SMAP1: variants seen among roughly 807,000 people sequenced by gnomAD.
SMAP1 encodes stromal membrane-associated protein 1.
Under a neutral mutation model 58.5 loss-of-function variants are expected in SMAP1, and 24 were observed. The ratio of observed to expected loss-of-function variants is 0.41; its 90% CI spans 0.30 to 0.58. The LOEUF (loss-of-function observed/expected upper bound fraction) is 0.58, where lower values mean the gene tolerates loss of function less well. Among genes scored for constraint, SMAP1 ranks in the 20% least tolerant of loss-of-function variants. The pLI, the probability that SMAP1 is intolerant of heterozygous loss-of-function variation, is 0.29. For synonymous variants in SMAP1, 216 were observed against 196.6 expected (o/e 1.10, Z -0.82); for missense variants, 563 against 566.3 (o/e 0.99, Z 0.06).
At chr6:70,772,547 C>T (rs1304708635) in intron 3 of SMAP1, among the ~76,000 whole-genome samples, 1 of 152,062 alleles carries the variant, frequency 6.6e-6, no homozygotes, top group Admixed American at 6.5e-5. Context: ...AGGTTAAGAA[C>T]CCCTTTAAGA....
chr6:70,860,396 GT>G lies in SMAP1; in HGVS notation c.*64del. ...GACATTCCTTGCTGAAACGCATCTA[GT>G]TCCCCTGTTTATTCATATGCATATT... On this transcript the variant is annotated 3_prime_UTR_variant, in exon 11 of 11. Transcript: ENST00000370455. The G allele has an allele frequency of 6.5e-7, 1 of 1,548,698 alleles. No individual in the cohort carries two copies. Among genetic ancestry groups the G allele is most frequent in the South Asian group, 1.3e-5 (1 of 79,524 alleles).
rs1225361067 is a variant in SMAP1 at position 70,860,248 on chromosome 6, G to T, written c.1318G>T (p.Ala440Ser). 6.2e-7 allele frequency: 1 copy of T among 1,613,600 alleles called. No homozygotes were observed. The highest frequency in any genetic ancestry group is 1.7e-5 in the Admixed American group (1 of 59,860). The change falls in exon 11 of 11, where the codon GCA becomes TCA. Residue 440 changes from alanine to serine, a missense_variant. Physicochemically the swap from Ala to Ser is moderately conservative, Grantham distance 99. Transcript: ENST00000370455. ...GAGTATCAGTAGTGCAACCCCTACT[G>T]CAGGTTTTGGCCAGCCCTCCAGCAC... ...GMSISSATPTAGFGQPSSTTA... is the reference protein window; with the variant it reads ...GMSISSATPTSGFGQPSSTTA...
At chr6:70,782,548 C>A (rs1474349442) in intron 4 of SMAP1, among the ~76,000 whole-genome samples, 1 of 152,170 alleles carries the variant, frequency 6.6e-6, no homozygotes, top group Non-Finnish European at 1.5e-5. Context: ...ACATTTTTCT[C>A]CCATGCTGGA....
intron 1 of SMAP1, among the ~76,000 whole-genome samples, chr6:70,730,619 T>C (rs1246924889): frequency 6.6e-6 from 1 of 152,240 alleles, no homozygotes; most frequent in Non-Finnish European, 1.5e-5. Flanking sequence ...AGCAGGATAT[T>C]TGAGGATAAG....
intron 4 of SMAP1, among the ~76,000 whole-genome samples, chr6:70,782,433 T>C (rs1038008551): frequency 4.6e-5 from 7 of 152,194 alleles, no homozygotes; most frequent in African/African-American, 1.7e-4. Flanking sequence ...AGAAATAATA[T>C]CTGCCACAGA....
At position 70,667,959 on chromosome 6, in the gene SMAP1, T is replaced by G; in HGVS notation, c.-65T>G. On this transcript the variant is annotated 5_prime_UTR_variant, in exon 1 of 11. Coordinates refer to ENST00000370455, the MANE Select transcript of SMAP1 (RefSeq NM_001044305.3). ...CCGGCGGCGCCAGGTGCGTTCACTC[T>G]GCCCGGCTCCAGCCAGCGTCCGCCG... The G allele has an allele frequency of 7.0e-7, 1 of 1,428,784 alleles. No homozygotes were observed. Among genetic ancestry groups the G allele is most frequent in the East Asian group, 2.8e-5 (1 of 35,648 alleles). 88.5% of individuals were successfully genotyped at this position (1,428,784 alleles called of 1,614,324 possible).
intron 6 of SMAP1, among the ~76,000 whole-genome samples, chr6:70,822,205 T>G (rs1168009311): frequency 1.3e-5 from 2 of 152,146 alleles, no homozygotes; most frequent in Non-Finnish European, 2.9e-5. Flanking sequence ...GGTGAAAGGG[T>G]CAACAATTAG....
intron 6 of SMAP1, among the ~76,000 whole-genome samples, chr6:70,834,010 T>G (rs1022692208): frequency 6.6e-6 from 1 of 152,240 alleles, no homozygotes; most frequent in Non-Finnish European, 1.5e-5. Context: ...TGAGAAGCTT[T>G]TAGAACACAG....
intron 8 of SMAP1, 103 bp downstream of exon 8, chr6:70,852,767 T>G (rs1305641203): frequency 1.5e-6 from 2 of 1,298,512 alleles, no homozygotes; most frequent in African/African-American, 3.0e-5. Flanking sequence ...AGTAACTGAT[T>G]TAAAAGTCTC....
At chr6:70,676,301 A>G (rs1291467662) in intron 1 of SMAP1, among the ~76,000 whole-genome samples, 2 of 152,082 alleles carry the variant, frequency 1.3e-5, no homozygotes, top group African/African-American at 4.8e-5. Context: ...GGTAATATAT[A>G]TTTTCTTCCA....
Position 70,783,738 on chromosome 6 carries a change from A to G in SMAP1, c.415-7951A>G, listed in dbSNP as rs1419725138. Among the ~76,000 whole-genome samples the G allele has an allele frequency of 1.2e-4, 19 of 152,232 alleles. 1 individual carries two copies. Among genetic ancestry groups the G allele is most frequent in the Admixed American group, 2.0e-4 (3 of 15,288 alleles). ...CGAAATGAATGAAATGAAGCGAGAA[A>G]GGAAGTTTAGAGAAAAAAGAATAAA... On this transcript the variant is annotated intron_variant, in intron 4 of 10. Transcript: ENST00000370455.
intron 1 of SMAP1, among the ~76,000 whole-genome samples, chr6:70,677,563 C>T (rs1420075061): frequency 3.3e-5 from 5 of 150,464 alleles, no homozygotes; most frequent in Non-Finnish European, 5.9e-5. Context: ...GTACTACAGG[C>T]GCCCGCCACC....
chr6:70,727,992 G>A (rs183909936), intron 1 of SMAP1, among the ~76,000 whole-genome samples: 204 of 152,086 alleles, frequency 1.3e-3, no homozygotes, highest in Middle Eastern at 6.8e-3. Context: ...GAGCCTGGGA[G>A]GCAGAGATTT....
intron 7 of SMAP1, among the ~76,000 whole-genome samples, chr6:70,847,752 T>C (rs763298633): frequency 2.0e-5 from 3 of 152,206 alleles, no homozygotes; most frequent in African/African-American, 7.2e-5. Flanking sequence ...GGGGGACTGC[T>C]GCCTCCTGCT....
intron 1 of SMAP1, among the ~76,000 whole-genome samples, chr6:70,709,139 A>G (rs535066413): frequency 5.9e-5 from 9 of 151,812 alleles, no homozygotes; most frequent in Non-Finnish European, 1.3e-4. Flanking sequence ...TGCATTAGAT[A>G]TTTAGTTTTC....
At chr6:70,694,725 T>C (rs1767326631) in intron 1 of SMAP1, 1 of 152,246 alleles carries the variant, frequency 6.6e-6, no homozygotes, top group African/African-American at 2.4e-5. Flanking sequence ...TTTATAATTT[T>C]TGTTGGAAAC....
intron 6 of SMAP1, among the ~76,000 whole-genome samples, chr6:70,823,710 T>C (rs758378665): frequency 6.6e-6 from 1 of 152,154 alleles, no homozygotes; most frequent in Non-Finnish European, 1.5e-5. Context: ...GTAAATGTTA[T>C]GCAGATTGTT....
At chr6:70,748,953 G>A (rs993254371) in intron 2 of SMAP1, among the ~76,000 whole-genome samples, 5 of 152,002 alleles carry the variant, frequency 3.3e-5, no homozygotes, top group African/African-American at 1.2e-4. Context: ...TGACCCATAG[G>A]TAGGACTCTT....
chr6:70,763,055 G>A (rs866932385), intron 3 of SMAP1, among the ~76,000 whole-genome samples: 3 of 147,316 alleles, frequency 2.0e-5, no homozygotes, highest in African/African-American at 7.5e-5. Flanking sequence ...ATTCTACATA[G>A]GAATACCTTG....
Sources: allele counts gnomAD v4.1 joint callset (sites outside exome capture counted in the v4.1 genomes callset), GRCh38; gene constraint gnomAD v4.1.1; transcripts MANE v1.5; gene names NCBI Gene and HGNC (gene_info 2026-07-23, HGNC 2026-07-21).